Variants in FARP2 observed in about 807,000 individuals in gnomAD.
FARP2 encodes FERM, ARH/RhoGEF and pleckstrin domain protein 2, also known as FERM, ARHGEF and pleckstrin domain-containing protein 2.
FARP2 carries 111 observed loss-of-function variants against 130.5 expected under a neutral mutation model. The observed-to-expected ratio is 0.85, with a 90% CI of 0.73 to 1.00. FARP2 has a LOEUF of 1.00. Ranked by LOEUF, FARP2 falls within the 50% of genes least tolerant of loss-of-function variation. The probability of loss-of-function intolerance (pLI) is 0.00; values close to 1 mark genes in which losing one functional copy is unlikely to be tolerated. For missense variants in FARP2, 1,385 were observed against 1,346.3 expected, an observed-to-expected ratio of 1.03 and a Z score of -0.45; for synonymous variants, 504 against 516.9, an observed-to-expected ratio of 0.98 and a Z score of 0.34.
intron 8 of FARP2, among the ~76,000 whole-genome samples, chr2:241,427,940 G>A (rs1175206452): frequency 6.6e-6 from 1 of 151,982 alleles, no homozygotes; most frequent in Non-Finnish European, 1.5e-5. Context: ...CTAATTTTTT[G>A]TATTTTTAGT....
intron 18 of FARP2, among the ~76,000 whole-genome samples, chr2:241,473,930 T>C (rs1480782096): frequency 3.9e-5 from 6 of 152,182 alleles, no homozygotes; most frequent in Non-Finnish European, 8.8e-5. Flanking sequence ...TCTTTGTCAA[T>C]GATGATCTCT....
intron 9 of FARP2, among the ~76,000 whole-genome samples, 173 bp downstream of exon 9, chr2:241,431,947 A>G (rs939213593): frequency 2.6e-5 from 4 of 151,832 alleles, no homozygotes; most frequent in African/African-American, 9.7e-5. Context: ...TCAGCCTCCC[A>G]AGTAGCTGGG....
chr2:241,386,530 G>A (rs750435128), intron 2 of FARP2, among the ~76,000 whole-genome samples: 7 of 152,186 alleles, frequency 4.6e-5, no homozygotes, highest in South Asian at 4.1e-4. Context: ...TGGGGGAAGC[G>A]TTTAAAGATT....
intron 1 of FARP2, among the ~76,000 whole-genome samples, chr2:241,371,870 GTAT>G (rs950088797): frequency 6.6e-6 from 1 of 152,016 alleles, no homozygotes; most frequent in East Asian, 1.9e-4. Flanking sequence ...AAACAAGCTA[GTAT>G]TATTAATTTT....
chr2:241,380,995 T>C (rs146999979), intron 2 of FARP2, among the ~76,000 whole-genome samples: 117 of 152,218 alleles, frequency 7.7e-4, no homozygotes, highest in Admixed American at 1.8e-3. Flanking sequence ...AGGTTTTAAA[T>C]CTCAGCCCTT....
At chr2:241,432,053 T>C (rs757977) in intron 9 of FARP2, among the ~76,000 whole-genome samples, 121,717 of 152,128 alleles carry the variant, frequency 0.8, 48,860 homozygotes, top group East Asian at 0.95. Context: ...CTCCTGACCT[T>C]AGGTGATCCA....
intron 2 of FARP2, among the ~76,000 whole-genome samples, chr2:241,384,329 G>A (rs971594332): frequency 6.6e-6 from 1 of 152,156 alleles, no homozygotes; most frequent in African/African-American, 2.4e-5. Context: ...TTATATAGCA[G>A]CAGCTTTTTG....
intron 1 of FARP2, among the ~76,000 whole-genome samples, chr2:241,367,692 G>T (rs1177042586): frequency 2.6e-5 from 4 of 152,082 alleles, no homozygotes; most frequent in African/African-American, 9.7e-5. Context: ...TTTAGGAAAG[G>T]TGATTTTTTT....
At chr2:241,483,986 G>C in intron 20 of FARP2, 1 of 1,323,186 alleles carries the variant, frequency 7.6e-7, no homozygotes, top group Non-Finnish European at 9.7e-7. Context: ...GCACCAGCCA[G>C]AATTCCTTAC....
Position 241,491,229 on chromosome 2 carries a change from G to A in FARP2, c.2623+50G>A, listed in dbSNP as rs373357870. On this transcript the variant is annotated intron_variant, in intron 23 of 26. Coordinates refer to ENST00000264042, the MANE Select transcript of FARP2 (RefSeq NM_014808.4). ...GGAGACCTCCACTACACCTAAGGAGGCTTTTTTTGGAAACTGTTTTCCTTG... is the reference window on the plus strand; with the variant it reads ...GGAGACCTCCACTACACCTAAGGAGACTTTTTTTGGAAACTGTTTTCCTTG... 1.5e-5 allele frequency: 20 copies of A among 1,348,522 alleles called. No homozygotes were observed. The African/African-American group carries it at 2.0e-4, about 14-fold the overall frequency. The allele number at this position is 1,348,522 out of a possible 1,614,324, so 83.5% of individuals were successfully genotyped here. A position where few individuals can be genotyped will look rare whatever the true frequency, so the allele number is the denominator to read the frequency against.
intron 13 of FARP2, among the ~76,000 whole-genome samples, chr2:241,456,075 A>C (rs2063827771): frequency 6.6e-6 from 1 of 152,184 alleles, no homozygotes; most frequent in Non-Finnish European, 1.5e-5. Context: ...ATACACAATG[A>C]AATATATTTC....
intron 1 of FARP2, among the ~76,000 whole-genome samples, chr2:241,363,326 TG>T (rs1236969197): frequency 6.6e-6 from 1 of 152,232 alleles, no homozygotes; most frequent in Non-Finnish European, 1.5e-5. Context: ...TCTTAGGGAA[TG>T]GGGAAAACCC....
intron 8 of FARP2, among the ~76,000 whole-genome samples, chr2:241,431,267 G>T (rs534141750): frequency 7.9e-5 from 12 of 152,012 alleles, no homozygotes; most frequent in Non-Finnish European, 1.6e-4. Flanking sequence ...TCGAGTTTGA[G>T]ACCAGCCTGG....
chr2:241,369,823 G>A (rs1195473060), intron 1 of FARP2, among the ~76,000 whole-genome samples: 1 of 152,184 alleles, frequency 6.6e-6, no homozygotes, highest in African/African-American at 2.4e-5. Flanking sequence ...AATAAATGTT[G>A]TGAGCTGACC....
intron 1 of FARP2, among the ~76,000 whole-genome samples, chr2:241,357,670 A>G (rs2061099511): frequency 6.6e-6 from 1 of 152,150 alleles, no homozygotes; most frequent in South Asian, 2.1e-4. Context: ...TGTACTTCTC[A>G]TGTGCCCTAT....
chr2:241,364,633 C>T (rs1479969479), intron 1 of FARP2, among the ~76,000 whole-genome samples: 1 of 151,916 alleles, frequency 6.6e-6, no homozygotes, highest in East Asian at 1.9e-4. Flanking sequence ...AAAGTCTTGG[C>T]AAGAAAACAG....
intron 13 of FARP2, chr2:241,445,766 C>T (rs1456020509): frequency 1.3e-5 from 2 of 152,256 alleles, no homozygotes; most frequent in African/African-American, 4.8e-5. Context: ...ACAGTTCTCT[C>T]TCAATCTATT....
rs555726101 is a variant in FARP2, at chr2:241,454,080, G to A, written c.1412-2667G>A. Among the ~76,000 whole-genome samples, 165 of 152,040 alleles carry A rather than the reference G, an allele frequency of 1.1e-3. 1 individual carries two copies. The highest frequency in any genetic ancestry group is 7.3e-3 in the South Asian group (35 of 4,816). On this transcript the variant is annotated intron_variant, in intron 13 of 26. Transcript: ENST00000264042. ...ATTATAGCCATGAGTCACCGCACCC[G>A]GCCAGGAGTGGCCCTTTCTAATTTA...
chr2:241,424,667 G>A (rs1024382176), intron 8 of FARP2, among the ~76,000 whole-genome samples: 2 of 151,734 alleles, frequency 1.3e-5, no homozygotes, highest in Non-Finnish European at 2.9e-5. Context: ...AAATCCAGGA[G>A]CTGGTTTTTT....
Sources: allele counts gnomAD v4.1 joint callset (sites outside exome capture counted in the v4.1 genomes callset), GRCh38; gene constraint gnomAD v4.1.1; transcripts MANE v1.5; gene names NCBI Gene and HGNC (gene_info 2026-07-23, HGNC 2026-07-21).